The following FHIT variants were observed in gnomAD, a reference collection of about 807,000 sequenced individuals.
FHIT encodes the protein bis(5'-adenosyl)-triphosphatase.
In FHIT, 19 loss-of-function variants were observed where a neutral mutation model predicts 17.9. That is an observed-to-expected ratio of 1.06 (90% CI 0.74 to 1.56). The LOEUF is 1.56. Ranked by LOEUF, FHIT falls within the 40% of genes most tolerant of loss-of-function variation. The probability of loss-of-function intolerance (pLI) is 0.00; values close to 1 mark genes in which losing one functional copy is unlikely to be tolerated. For synonymous variants in FHIT, 81 were observed against 69.7 expected, an observed-to-expected ratio of 1.16 and a Z score of -0.81; for missense variants, 248 against 189.2, an observed-to-expected ratio of 1.31 and a Z score of -1.82.
At chr3:60,914,323 A>G (rs1192270010) in intron 3 of FHIT, among the ~76,000 whole-genome samples, 6 of 152,174 alleles carry the variant, frequency 3.9e-5, no homozygotes, top group African/African-American at 1.4e-4. Context: ...TGTAATAATA[A>G]AATATTTAAG....
At chr3:60,125,855 T>C (rs1705524420) in intron 5 of FHIT, among the ~76,000 whole-genome samples, 1 of 152,172 alleles carries the variant, frequency 6.6e-6, no homozygotes, top group Non-Finnish European at 1.5e-5. Context: ...AGAAACAATC[T>C]AATCCAACTA....
intron 4 of FHIT, among the ~76,000 whole-genome samples, chr3:60,543,049 T>C (rs982431316): frequency 1.3e-5 from 2 of 152,210 alleles, no homozygotes; most frequent in Admixed American, 1.3e-4. Flanking sequence ...GACTCCTTTC[T>C]ATTCTGCTTC....
intron 2 of FHIT, among the ~76,000 whole-genome samples, chr3:61,167,487 A>G (rs1160140779): frequency 6.6e-6 from 1 of 151,578 alleles, no homozygotes; most frequent in East Asian, 1.9e-4. Flanking sequence ...AAATACAAAA[A>G]TTAGTCGGGC....
chr3:60,956,762 A>G (rs1227326791), intron 3 of FHIT, among the ~76,000 whole-genome samples: 1 of 152,210 alleles, frequency 6.6e-6, no homozygotes, highest in Non-Finnish European at 1.5e-5. Context: ...AACAAAGAGA[A>G]CTCATGCTGC....
chr3:59,799,369 A>G (rs1699903921), intron 8 of FHIT, among the ~76,000 whole-genome samples: 1 of 152,088 alleles, frequency 6.6e-6, no homozygotes, highest in Admixed American at 6.6e-5. Flanking sequence ...CAAGCGCAAC[A>G]GAGAAAAAAA....
At chr3:61,158,849 C>T (rs985437121) in intron 2 of FHIT, among the ~76,000 whole-genome samples, 3 of 152,136 alleles carry the variant, frequency 2.0e-5, no homozygotes, top group Non-Finnish European at 4.4e-5. Context: ...CATTGCCAGA[C>T]ACCATAAAAC....
intron 4 of FHIT, among the ~76,000 whole-genome samples, chr3:60,715,247 A>T (rs2041652300): frequency 6.6e-6 from 1 of 152,166 alleles, no homozygotes; most frequent in South Asian, 2.1e-4. Context: ...GAAAGCTGAA[A>T]CTGGATCCCT....
Position 60,160,517 on chromosome 3 carries a change from T to C in FHIT, c.104-146365A>G, listed in dbSNP as rs191478996. On this transcript the variant is annotated intron_variant, in intron 5 of 9. Coordinates refer to ENST00000492590, the MANE Select transcript of FHIT (RefSeq NM_002012.4). ...GAATCAAGAACCTCAAAACCTATCT[T>C]CTTCTGAGGTCAAGCCATCCACTCA... Among the ~76,000 whole-genome samples, 185 of 152,340 alleles carry C rather than the reference T, an allele frequency of 1.2e-3. 1 individual carries two copies. Among genetic ancestry groups the C allele is most frequent in the Non-Finnish European group, 2.2e-3 (153 of 68,034 alleles).
intron 5 of FHIT, among the ~76,000 whole-genome samples, chr3:60,045,499 A>C (rs898262690): frequency 1.3e-5 from 2 of 152,116 alleles, no homozygotes; most frequent in Non-Finnish European, 2.9e-5. Context: ...CCCATGATTC[A>C]ATTACCTCCC....
chr3:60,773,760 T>C (rs1156410835), intron 4 of FHIT, among the ~76,000 whole-genome samples: 1 of 152,264 alleles, frequency 6.6e-6, no homozygotes, highest in Non-Finnish European at 1.5e-5. Context: ...AGATTACAGT[T>C]TCCCAGACTA....
At chr3:61,068,991 T>C (rs1182280149) in intron 2 of FHIT, among the ~76,000 whole-genome samples, 4 of 152,168 alleles carry the variant, frequency 2.6e-5, no homozygotes, top group Non-Finnish European at 5.9e-5. Flanking sequence ...TCAGATATAT[T>C]CAGTGAAATT....
chr3:61,074,383 G>T (rs2034904847), intron 2 of FHIT, among the ~76,000 whole-genome samples: 1 of 152,162 alleles, frequency 6.6e-6, no homozygotes, highest in Non-Finnish European at 1.5e-5. Context: ...TGCACCTACT[G>T]CATTACGGCA....
intron 5 of FHIT, among the ~76,000 whole-genome samples, chr3:60,322,564 G>A (rs145960652): frequency 8.5e-4 from 130 of 152,208 alleles, no homozygotes; most frequent in Admixed American, 1.6e-3. Context: ...TAAGGGCACC[G>A]GACAAGAAAA....
intron 5 of FHIT, among the ~76,000 whole-genome samples, chr3:60,528,804 T>A (rs960253320): frequency 2.0e-5 from 3 of 152,126 alleles, no homozygotes; most frequent in Non-Finnish European, 4.4e-5. Flanking sequence ...CACCACCTCT[T>A]TTCTTCCTCC....
chr3:60,928,882 T>G (rs1268679360), intron 3 of FHIT, among the ~76,000 whole-genome samples: 3 of 152,322 alleles, frequency 2.0e-5, no homozygotes, highest in South Asian at 2.1e-4. Context: ...AGCATCATCC[T>G]GATACCAAAG....
At position 59,969,759 on chromosome 3, in the gene FHIT, C is replaced by A. The variant is rs376404271; in HGVS notation, c.279+41612G>T. Reference sequence around the variant, plus strand: ...CTTTAGTACAGCTTCATCATCTACACTAATATTTCCAGCAGCCCCTCAAAA... The same window carrying A: ...CTTTAGTACAGCTTCATCATCTACAATAATATTTCCAGCAGCCCCTCAAAA... On this transcript the variant is annotated intron_variant, in intron 7 of 9. Coordinates refer to ENST00000492590, the MANE Select transcript of FHIT (RefSeq NM_002012.4). Among the ~76,000 whole-genome samples the A allele has an allele frequency of 3.9e-5, 6 of 152,194 alleles. No homozygotes were observed. In the South Asian group the frequency reaches 1.2e-3, roughly 32 times the overall value.
At chr3:60,125,056 G>A (rs1705479292) in intron 5 of FHIT, among the ~76,000 whole-genome samples, 1 of 152,138 alleles carries the variant, frequency 6.6e-6, no homozygotes, top group Non-Finnish European at 1.5e-5. Flanking sequence ...ATTATATACT[G>A]AACTCATTCA....
At chr3:61,197,957 A>T (rs1255036872) in intron 2 of FHIT, among the ~76,000 whole-genome samples, 1 of 152,148 alleles carries the variant, frequency 6.6e-6, no homozygotes, top group Non-Finnish European at 1.5e-5. Context: ...GAAGTTCAGC[A>T]AAATAACCCA....
At chr3:60,033,635 T>TA (rs1355199944) in intron 5 of FHIT, among the ~76,000 whole-genome samples, 5 of 152,288 alleles carry the variant, frequency 3.3e-5, no homozygotes, top group African/African-American at 7.2e-5. Flanking sequence ...GCAATTGCCT[T>TA]AAAATATTTC....
Sources: gnomAD v4.1 joint callset for allele counts (sites outside exome capture counted in the v4.1 genomes callset) on GRCh38, gnomAD v4.1.1 for gene constraint, MANE v1.5 for transcripts, NCBI Gene and HGNC (gene_info 2026-07-23, HGNC 2026-07-21) for gene names.